The following LIPG variants were observed in gnomAD, a reference collection of about 807,000 sequenced individuals.
LIPG encodes the protein endothelial lipase.
LIPG carries 34 observed loss-of-function variants against 51.8 expected under a neutral mutation model. That is an observed-to-expected ratio of 0.66 (90% confidence interval 0.50 to 0.87). The LOEUF is 0.87. Among genes scored for constraint, LIPG ranks in the 40% least tolerant of loss-of-function variants. LIPG has a pLI of 0.00. For missense variants in LIPG, 580 were observed against 652.7 expected (o/e 0.89, Z 1.21); for synonymous variants, 246 against 246.1 (o/e 1.00, Z 0.00).
intron 3 of LIPG, 117 bp from the exon 4 acceptor site, chr18:49,569,320 C>T (rs1032273856): frequency 3.5e-6 from 3 of 846,786 alleles, no homozygotes; most frequent in African/African-American, 1.7e-5. Context: ...TGGGGAGTCT[C>T]TGTGCCCACG....
At chr18:49,571,460 G>C (rs2084662496) in intron 4 of LIPG, among the ~76,000 whole-genome samples, 1 of 152,232 alleles carries the variant, frequency 6.6e-6, no homozygotes, top group Non-Finnish European at 1.5e-5. Context: ...GGTGGCAGGA[G>C]AGCCAGGCAG....
chr18:49,574,708 C>T (rs934306447), intron 4 of LIPG, among the ~76,000 whole-genome samples: 1 of 152,084 alleles, frequency 6.6e-6, no homozygotes, highest in Non-Finnish European at 1.5e-5. Flanking sequence ...CTTGCCTGCT[C>T]AACACAAAAT....
At chr18:49,567,291 G>A (rs1341670879) in intron 2 of LIPG, 151 bp from the exon 3 acceptor site, 4 of 720,106 alleles carry the variant, frequency 5.6e-6, no homozygotes, top group Non-Finnish European at 9.2e-6. Context: ...AGCTGAGATT[G>A]TTGTCAGTGC....
chr18:49,566,435 G>A (rs1714212696), intron 2 of LIPG, among the ~76,000 whole-genome samples: 1 of 152,174 alleles, frequency 6.6e-6, no homozygotes, highest in African/African-American at 2.4e-5. Flanking sequence ...TTTGTAATCT[G>A]TTTGGAACTT....
At chr18:49,588,716 C>T (rs951534908) in intron 9 of LIPG, among the ~76,000 whole-genome samples, 17 of 152,126 alleles carry the variant, frequency 1.1e-4, no homozygotes, top group Non-Finnish European at 1.5e-4. Context: ...TTATTTCAGA[C>T]GTGAGGAAGG....
chr18:49,565,348 T>A lies in LIPG; in HGVS notation c.129T>A (p.Thr43=), dbSNP rs372868735. ...DKLHKPKATQ[T]EVKPSVRFNL... ...TCCACAAACCCAAAGCTACACAGACTGAGGTCAAACCATCTGTGAGGTTTA... is the reference window on the plus strand; with the variant it reads ...TCCACAAACCCAAAGCTACACAGACAGAGGTCAAACCATCTGTGAGGTTTA... The change falls in exon 2 of 10, where the codon ACT becomes ACA. Residue 43 remains threonine (T), a synonymous_variant. Coordinates refer to ENST00000261292, the MANE Select transcript of LIPG (RefSeq NM_006033.4). 7.4e-6 allele frequency: 12 copies of A among 1,614,102 alleles called. No individual in the cohort carries two copies. The highest frequency in any genetic ancestry group is 9.3e-6 in the Non-Finnish European group (11 of 1,180,046).
At chr18:49,578,713 T>C (rs954603426) in intron 5 of LIPG, among the ~76,000 whole-genome samples, 28 of 150,382 alleles carry the variant, frequency 1.9e-4, no homozygotes, top group African/African-American at 6.3e-4. Flanking sequence ...ATCACGCCAC[T>C]GCACTCCAGC....
At chr18:49,572,429 G>T (rs2148849660) in intron 4 of LIPG, among the ~76,000 whole-genome samples, 1 of 152,266 alleles carries the variant, frequency 6.6e-6, no homozygotes, top group Middle Eastern at 3.4e-3. Context: ...ATTCTACGGA[G>T]GGGGAAACTA....
intron 5 of LIPG, 48 bp downstream of exon 5, chr18:49,575,638 T>C: frequency 6.7e-7 from 1 of 1,485,484 alleles, no homozygotes; most frequent in African/African-American, 1.4e-5. Context: ...TTATTCCATC[T>C]CCTTCTAAAT....
intron 5 of LIPG, among the ~76,000 whole-genome samples, chr18:49,579,932 C>G (rs537035685): frequency 5.6e-4 from 85 of 152,218 alleles, no homozygotes; most frequent in African/African-American, 2.0e-3. Flanking sequence ...CCTGCTTCAG[C>G]CTCCCAAGTA....
rs749311974 is a variant in LIPG, at chr18:49,583,524, G to A, written c.1158-32G>A. 8 of 1,589,910 alleles carry A rather than the reference G, an allele frequency of 5.0e-6. No homozygotes were observed. In the South Asian group the frequency reaches 7.7e-5, roughly 15 times the overall value. Reference sequence around the variant, plus strand: ...AGTGTGGCAGTTTTCCAGCTGTTAGGGGAGTGAGATCAGCTTCTCTCCCAC... The same window carrying A: ...AGTGTGGCAGTTTTCCAGCTGTTAGAGGAGTGAGATCAGCTTCTCTCCCAC... On this transcript the variant is annotated intron_variant, in intron 7 of 9. Coordinates refer to ENST00000261292, the MANE Select transcript of LIPG (RefSeq NM_006033.4).
rs751668636 is a variant in LIPG at position 49,575,528 on chromosome 18, A to G, written c.731A>G (p.Asn244Ser). ...GTGGGCCACATTGACATCTACCCCAATGGGGGTGACTTCCAGCCAGGCTGT... is the reference window on the plus strand; with the variant it reads ...GTGGGCCACATTGACATCTACCCCAGTGGGGGTGACTTCCAGCCAGGCTGT... ...MPVGHIDIYP[N>S]GGDFQPGCGL... Residue 244 changes from asparagine (N) to serine (S), a missense_variant, in exon 5 of 10, where the codon AAT (asparagine) becomes AGT (serine). Physicochemically the swap from Asn to Ser is conservative, Grantham distance 46. Transcript: ENST00000261292. 6.2e-7 allele frequency: 1 copy of G among 1,614,192 alleles called. No homozygotes were observed. Among genetic ancestry groups the G allele is most frequent in the East Asian group, 2.2e-5 (1 of 44,872 alleles).
intron 5 of LIPG, among the ~76,000 whole-genome samples, chr18:49,578,881 GCGTGCCTGCAAT>G (rs547968732): frequency 0.25 from 36,347 of 145,218 alleles, 2,230 homozygotes; most frequent in African/African-American, 0.34. Flanking sequence ...GCGTGGTGGC[GCGTGCCTGCAAT>G]CGCAGGCACT....
At chr18:49,565,623 T>G (rs2084597593) in intron 2 of LIPG, 125 bp downstream of exon 2, 1 of 1,079,410 alleles carries the variant, frequency 9.3e-7, no homozygotes, top group African/African-American at 1.6e-5. Flanking sequence ...TGTGGGCTGC[T>G]TGTATTTCAG....
intron 1 of LIPG, among the ~76,000 whole-genome samples, chr18:49,564,147 G>A (rs1200174588): frequency 5.3e-5 from 8 of 151,696 alleles, no homozygotes; most frequent in Admixed American, 2.0e-4. Flanking sequence ...TTTCCCCTCC[G>A]CCCTCTCCAC....
In LIPG at chr18:49,593,034, G is replaced by A. The variant is rs1262025081; in HGVS notation, c.*2512G>A. 6.7e-6 allele frequency: 1 copy of A among 149,568 alleles called. No individual in the cohort carries two copies. The highest frequency in any genetic ancestry group is 1.5e-5 in the Non-Finnish European group (1 of 67,756). The allele number at this position is 149,568 out of a possible 1,614,324, so 9.3% of individuals were successfully genotyped here. On this transcript the variant is annotated 3_prime_UTR_variant, in exon 10 of 10. Coordinates refer to ENST00000261292, the MANE Select transcript of LIPG (RefSeq NM_006033.4). The stretch of plus-strand genomic sequence containing the variant: ...CAACCTCTGCCTCCTGGGCTCAGGT[G>A]GTCCTCCCACCTCAGCCTTCTGAGT...
chr18:49,585,363 G>A (rs948261274), intron 8 of LIPG, among the ~76,000 whole-genome samples: 3 of 152,144 alleles, frequency 2.0e-5, no homozygotes, highest in Admixed American at 6.5e-5. Context: ...ATGCCCAGCC[G>A]CCTTAGTACT....
intron 2 of LIPG, among the ~76,000 whole-genome samples, chr18:49,567,219 C>T (rs1042002904): frequency 6.6e-6 from 1 of 151,852 alleles, no homozygotes; most frequent in Admixed American, 6.6e-5. Context: ...TGCCTGTAAC[C>T]CAGTCACTCT....
Position 49,569,564 on chromosome 18 carries a change from A to T in LIPG, c.571+16A>T. 3 of 1,589,626 alleles carry T rather than the reference A, an allele frequency of 1.9e-6. No homozygotes were observed. Among genetic ancestry groups the T allele is most frequent in the Non-Finnish European group, 2.6e-6 (3 of 1,158,416 alleles). On this transcript the variant is annotated intron_variant, in intron 4 of 9. Coordinates refer to ENST00000261292, the MANE Select transcript of LIPG (RefSeq NM_006033.4). ...CGAATCACAGGTGAGCTCCACTTCC[A>T]TCACTAAAGGGCTCCCTCAGCTGCG...
Sources: allele counts gnomAD v4.1 joint callset (sites outside exome capture counted in the v4.1 genomes callset), GRCh38; gene constraint gnomAD v4.1.1; transcripts MANE v1.5; gene names NCBI Gene and HGNC (gene_info 2026-07-23, HGNC 2026-07-21).